ATAD2: variants seen among roughly 807,000 people sequenced by gnomAD.
ATAD2 encodes the protein ATPase family AAA domain containing 2, also known as ATPase family AAA domain-containing protein 2.
Under a neutral mutation model 168.9 loss-of-function variants are expected in ATAD2, and 62 were observed. That is an observed-to-expected ratio of 0.37 (90% CI 0.30 to 0.45). The LOEUF (loss-of-function observed/expected upper bound fraction) is 0.45, where lower values mean the gene tolerates loss of function less well. Ranked by LOEUF, ATAD2 falls within the 20% of genes least tolerant of loss-of-function variation. The pLI, the probability that ATAD2 is intolerant of heterozygous loss-of-function variation, is 1.00. For synonymous variants in ATAD2, 613 were observed against 571.6 expected (o/e 1.07, Z -1.03); for missense variants, 1,419 against 1,667.8 (o/e 0.85, Z 2.60).
At chr8:123,340,510 A>G (rs1001688794) in intron 19 of ATAD2, among the ~76,000 whole-genome samples, 3 of 152,222 alleles carry the variant, frequency 2.0e-5, no homozygotes, top group Admixed American at 6.5e-5. Context: ...GAGTATTTGT[A>G]CTCCAGTAAT....
At chr8:123,360,884 G>A (rs1407883335) in intron 9 of ATAD2, among the ~76,000 whole-genome samples, 2 of 149,218 alleles carry the variant, frequency 1.3e-5, no homozygotes, top group Non-Finnish European at 3.0e-5. Flanking sequence ...TATAAAATGA[G>A]TAAAGCCTTC....
chr8:123,376,568 C>T (rs901822182), intron 2 of ATAD2, among the ~76,000 whole-genome samples: 3 of 151,998 alleles, frequency 2.0e-5, no homozygotes, highest in African/African-American at 7.3e-5. Context: ...AAAATACACA[C>T]ACACACACAC....
At chr8:123,392,367 C>T (rs1278418719) in intron 1 of ATAD2, among the ~76,000 whole-genome samples, 1 of 152,076 alleles carries the variant, frequency 6.6e-6, no homozygotes, top group African/African-American at 2.4e-5. Context: ...TTATGGTAAA[C>T]ATCATTGCAA....
At chr8:123,337,859 A>G (rs763331346) in intron 20 of ATAD2, 38 bp from the exon 21 acceptor site, 79 of 1,537,196 alleles carry the variant, frequency 5.1e-5, no homozygotes, top group Non-Finnish European at 5.0e-5. Flanking sequence ...CTGCTCCTCC[A>G]TAACATTGAG....
At position 123,339,351 on chromosome 8, in the gene ATAD2, T is replaced by C. The variant is rs751158999; in HGVS notation, c.2814A>G (p.Leu938=). ...ATATAGGAGGCTTAGCAGCTTGTTT[T>C]AGAATTAAATCTTCAAAAAATTTTG... The part of the protein sequence containing the change: ...ERTKFFEDLI[L]KQAAKPPISK... The change falls in exon 20 of 28, where the codon CTA becomes CTG. Residue 938 remains leucine (L), a synonymous_variant. Transcript: ENST00000287394. 6.3e-7 allele frequency: 1 copy of C among 1,599,532 alleles called. No homozygotes were observed. The highest frequency in any genetic ancestry group is 1.1e-5 in the South Asian group (1 of 89,368).
chr8:123,409,172 T>C (rs529948992), intron 1 of ATAD2, among the ~76,000 whole-genome samples: 10 of 152,196 alleles, frequency 6.6e-5, no homozygotes, highest in Non-Finnish European at 1.5e-4. Flanking sequence ...TCTATTGACC[T>C]CTCCCGAACA....
chr8:123,384,865 G>A (rs766881723), intron 1 of ATAD2, among the ~76,000 whole-genome samples: 1 of 152,130 alleles, frequency 6.6e-6, no homozygotes, highest in African/African-American at 2.4e-5. Context: ...TTGATTGACA[G>A]AGCATTAATT....
At position 123,380,665 on chromosome 8, in the gene ATAD2, C is replaced by A. The variant is rs375695866; in HGVS notation, c.184G>T (p.Val62Phe). 241 of 1,609,886 alleles carry A rather than the reference C, an allele frequency of 1.5e-4. 1 individual carries two copies. In the East Asian group the frequency reaches 2.9e-3, roughly 19 times the overall value. Residue 62 changes from valine (V) to phenylalanine (F), a missense_variant, in exon 2 of 28, where the codon GTT becomes TTT. Val to Phe is a conservative substitution (Grantham distance 50). Transcript: ENST00000287394. Reference sequence around the variant, plus strand: ...CGGTGGTAGGTTTCAACTTCCTTAACTGATGACCCATCCTTTAAGAAAAAT... The same window carrying A: ...CGGTGGTAGGTTTCAACTTCCTTAAATGATGACCCATCCTTTAAGAAAAAT... ...TTAKAGDGSS[V>F]KEVETYHRTR... is the part of the protein sequence containing the mutation.
At chr8:123,380,061 TA>T (rs1279494523) in intron 2 of ATAD2, among the ~76,000 whole-genome samples, 1 of 151,824 alleles carries the variant, frequency 6.6e-6, no homozygotes, top group Admixed American at 6.6e-5. Flanking sequence ...TAATTTTGTA[TA>T]TATTTTTTTG....
intron 24 of ATAD2, among the ~76,000 whole-genome samples, chr8:123,331,459 C>G (rs1166909705): frequency 6.6e-6 from 1 of 151,140 alleles, no homozygotes; most frequent in African/African-American, 2.4e-5. Context: ...AGGCTTGTCT[C>G]AAACTCTTGA....
rs147808552 is a variant in ATAD2, at chr8:123,409,475, G to A, written c.-2282+6773C>T. ...ATTAGAATAACAGTGGGAATGTCAGGGTTTTGATTTTGTTTTGCCAATTTG... is the reference window on the plus strand; with the variant it reads ...ATTAGAATAACAGTGGGAATGTCAGAGTTTTGATTTTGTTTTGCCAATTTG... On this transcript the variant is annotated intron_variant, in intron 1 of 28. Coordinates refer to the ATAD2 transcript ENST00000521903. 2.9e-4 allele frequency among the ~76,000 whole-genome samples: 44 copies of A among 152,180 alleles called. No individual in the cohort carries two copies. The East Asian group carries it at 7.8e-3, about 27-fold the overall frequency.
chr8:123,349,507 A>T (rs961284287), intron 13 of ATAD2, 63 bp from the exon 14 acceptor site: 3 of 1,470,922 alleles, frequency 2.0e-6, no homozygotes, highest in Non-Finnish European at 1.9e-6. Flanking sequence ...TCATTCAGTA[A>T]TATTTCTTCT....
Position 123,334,196 on chromosome 8 carries a change from C to T in ATAD2, c.3334+4G>A, listed in dbSNP as rs1827853946. On this transcript the variant is annotated splice_donor_region_variant and intron_variant, in intron 23 of 27. Transcript: ENST00000287394. ...GGTACAAATCAACCAAATCACTTTC[C>T]TACCTCTTTTCTTTCTAGATTCCTG... 1.9e-6 allele frequency: 3 copies of T among 1,574,502 alleles called. No homozygotes were observed. Among genetic ancestry groups the T allele is most frequent in the African/African-American group, 1.4e-5 (1 of 72,618 alleles).
At chr8:123,381,960 C>T (rs545550972) in intron 1 of ATAD2, among the ~76,000 whole-genome samples, 2 of 151,886 alleles carry the variant, frequency 1.3e-5, no homozygotes, top group Admixed American at 6.5e-5. Flanking sequence ...GCAAGAGAAT[C>T]GCTTGAACCT....
intron 8 of ATAD2, among the ~76,000 whole-genome samples, chr8:123,364,367 C>T (rs1483522420): frequency 1.3e-5 from 2 of 152,036 alleles, no homozygotes; most frequent in Admixed American, 6.6e-5. Flanking sequence ...AGTTTAAAAA[C>T]ATTGTAAACA....
intron 1 of ATAD2, among the ~76,000 whole-genome samples, chr8:123,383,997 C>A (rs988623887): frequency 7.9e-5 from 12 of 151,670 alleles, no homozygotes; most frequent in Non-Finnish European, 1.3e-4. Flanking sequence ...AGGAGAATTG[C>A]TCGAACCTGG....
rs1465846057 is a variant in ATAD2 at position 123,348,264 on chromosome 8, C to G, written c.1816G>C (p.Glu606Gln). Residue 606 changes from glutamate to glutamine, a missense_variant, in exon 15 of 28, where the codon GAG becomes CAG. By Grantham distance (29) the Glu-to-Gln change is conservative. Around this residue, in one of 5 missense-constraint regions of ATAD2, gnomAD observed 545 missense variants for 724.9 expected, o/e 0.75. Transcript: ENST00000287394. ...TCCCTGGTGTGAATCTTTAGAATCT[C>G]TTTTCGAGCCTATGAATAAAAACAA... ...FSLPDKEARK[E>Q]ILKIHTRDWN... is the part of the protein sequence containing the mutation. The G allele has an allele frequency of 1.3e-6, 2 of 1,587,604 alleles. No homozygotes were observed. Among genetic ancestry groups the G allele is most frequent in the Non-Finnish European group, 1.7e-6 (2 of 1,168,860 alleles).
chr8:123,395,147 TC>T (rs1812766730), intron 1 of ATAD2, among the ~76,000 whole-genome samples: 1 of 152,072 alleles, frequency 6.6e-6, no homozygotes, highest in Non-Finnish European at 1.5e-5. Flanking sequence ...TTCTCTCAGG[TC>T]CTATTTTTCC....
intron 19 of ATAD2, among the ~76,000 whole-genome samples, chr8:123,339,749 AT>A (rs1215378685): frequency 6.6e-6 from 1 of 152,188 alleles, no homozygotes; most frequent in Non-Finnish European, 1.5e-5. Flanking sequence ...TAAATTGTAT[AT>A]TTTTTAAACA....
Sources: allele counts gnomAD v4.1 joint callset (sites outside exome capture counted in the v4.1 genomes callset), GRCh38; gene constraint gnomAD v4.1.1; regional missense constraint gnomAD v4.1.1; transcripts MANE v1.5; gene names NCBI Gene and HGNC (gene_info 2026-07-23, HGNC 2026-07-21).